The following SGTB variants were observed in gnomAD, a reference collection of about 807,000 sequenced individuals.
The protein encoded by SGTB is small glutamine rich tetratricopeptide repeat co-chaperone beta.
SGTB carries 19 observed loss-of-function variants against 43.9 expected under a neutral mutation model. The ratio of observed to expected loss-of-function variants is 0.43; its 90% CI spans 0.30 to 0.63. The LOEUF (loss-of-function observed/expected upper bound fraction) is 0.63. Among genes scored for constraint, SGTB ranks in the 30% least tolerant of loss-of-function variants. The pLI, the probability that SGTB is intolerant of heterozygous loss-of-function variation, is 0.12. For missense variants in SGTB, 304 were observed against 358.9 expected (o/e 0.85, Z 1.24); for synonymous variants, 116 against 117.3 (o/e 0.99, Z 0.07).
At chr5:65,702,627 CCA>C (rs1256216275) in intron 5 of SGTB, among the ~76,000 whole-genome samples, 1 of 152,164 alleles carries the variant, frequency 6.6e-6, no homozygotes, top group African/African-American at 2.4e-5. Context: ...GGGGAGCTCT[CCA>C]GAGTCTCTTT....
At position 65,704,264 on chromosome 5, in the gene SGTB, A is replaced by G; in HGVS notation, c.374+15T>C. 1 of 1,556,474 alleles carries G rather than the reference A, an allele frequency of 6.4e-7. No individual in the cohort carries two copies. The highest frequency in any genetic ancestry group is 8.7e-7 in the Non-Finnish European group (1 of 1,145,306). On this transcript the variant is annotated intron_variant, in intron 5 of 10. Coordinates refer to ENST00000381007, the MANE Select transcript of SGTB (RefSeq NM_019072.3). ...GTTTAAGAATTGCAAACCTGCCACAATAGTGCTAGTTTACCTGTTGCAATA... is the reference window on the plus strand; with the variant it reads ...GTTTAAGAATTGCAAACCTGCCACAGTAGTGCTAGTTTACCTGTTGCAATA...
chr5:65,718,718 T>C (rs1348731873), intron 2 of SGTB, among the ~76,000 whole-genome samples: 1 of 152,174 alleles, frequency 6.6e-6, no homozygotes, highest in Non-Finnish European at 1.5e-5. Context: ...TTCAATTAAA[T>C]TAGACTCACA....
chr5:65,674,856 C>T (rs760947249), intron 8 of SGTB, among the ~76,000 whole-genome samples: 52 of 152,012 alleles, frequency 3.4e-4, no homozygotes, highest in South Asian at 1.0e-3. Flanking sequence ...ATCTACAAAA[C>T]ATGTATTTGC....
chr5:65,712,458 C>T (rs1480252097), intron 3 of SGTB, among the ~76,000 whole-genome samples: 1 of 152,154 alleles, frequency 6.6e-6, no homozygotes, highest in Admixed American at 6.5e-5. Context: ...CTTAGTTTTG[C>T]ACAGTGACCC....
intron 3 of SGTB, among the ~76,000 whole-genome samples, chr5:65,710,665 T>C (rs73099348): frequency 0.01 from 1,573 of 152,214 alleles, 26 homozygotes; most frequent in African/African-American, 0.036. Context: ...TAAACATATA[T>C]GGAATGAAGC....
chr5:65,678,983 T>C (rs1358387208), intron 8 of SGTB, among the ~76,000 whole-genome samples: 1 of 151,722 alleles, frequency 6.6e-6, no homozygotes, highest in Non-Finnish European at 1.5e-5. Flanking sequence ...AAAGAAAAAA[T>C]TGACAAATGG....
At chr5:65,681,669 T>C (rs1422786578) in intron 6 of SGTB, among the ~76,000 whole-genome samples, 1 of 152,082 alleles carries the variant, frequency 6.6e-6, no homozygotes, top group African/African-American at 2.4e-5. Context: ...TAAAATAATA[T>C]CTAAAGATAC....
intron 1 of SGTB, among the ~76,000 whole-genome samples, chr5:65,721,450 T>A (rs993798173): frequency 6.6e-5 from 10 of 152,266 alleles, no homozygotes; most frequent in Middle Eastern, 3.4e-3. Context: ...TGTGCTCTCG[T>A]GGACAAGCTG....
At chr5:65,709,441 T>A (rs1183330772) in intron 3 of SGTB, among the ~76,000 whole-genome samples, 1 of 151,570 alleles carries the variant, frequency 6.6e-6, no homozygotes, top group Non-Finnish European at 1.5e-5. Flanking sequence ...TGCAGTGGCA[T>A]GATCTCGGCT....
chr5:65,700,694 A>C (rs993160941), intron 5 of SGTB, among the ~76,000 whole-genome samples: 1 of 148,606 alleles, frequency 6.7e-6, no homozygotes, highest in Admixed American at 6.7e-5. Flanking sequence ...AAAAAAAAAA[A>C]AAAAGAAAGA....
intron 5 of SGTB, among the ~76,000 whole-genome samples, chr5:65,695,689 G>A (rs561280715): frequency 3.0e-4 from 45 of 152,018 alleles, no homozygotes; most frequent in South Asian, 8.3e-4. Flanking sequence ...ACAGAGAGAC[G>A]GAAAAAAATT....
intron 5 of SGTB, among the ~76,000 whole-genome samples, chr5:65,689,188 T>C (rs1757556014): frequency 6.6e-6 from 1 of 152,230 alleles, no homozygotes; most frequent in Admixed American, 6.5e-5. Flanking sequence ...CACTAGTCAT[T>C]CTACAGGTAC....
chr5:65,719,029 A>G (rs1758203864), intron 2 of SGTB, among the ~76,000 whole-genome samples: 1 of 152,214 alleles, frequency 6.6e-6, no homozygotes, highest in Admixed American at 6.5e-5. Flanking sequence ...CTAATCATCA[A>G]GGAGAACAAA....
rs545087130 is a variant in SGTB at position 65,677,880 on chromosome 5, A to C, written c.681+2614T>G. On this transcript the variant is annotated intron_variant, in intron 8 of 10. Transcript: ENST00000381007. ...GCCATATATGACAAACCTACAGCCA[A>C]TATCATACTGAATGGGCAAAAGCTG... Among the ~76,000 whole-genome samples, 9 of 152,338 alleles carry C rather than the reference A, an allele frequency of 5.9e-5. No homozygotes were observed. The South Asian group carries it at 6.2e-4, about 11-fold the overall frequency.
intron 4 of SGTB, among the ~76,000 whole-genome samples, chr5:65,707,130 G>A (rs923359979): frequency 6.6e-6 from 1 of 151,534 alleles, no homozygotes; most frequent in Non-Finnish European, 1.5e-5. Flanking sequence ...AGGCGTGGTG[G>A]CACGCGCCTA....
At position 65,670,192 on chromosome 5, in the gene SGTB, A is replaced by T; in HGVS notation, c.*54T>A. The T allele has an allele frequency of 6.6e-7, 1 of 1,511,582 alleles. No individual in the cohort carries two copies. The highest frequency in any genetic ancestry group is 9.2e-7 in the Non-Finnish European group (1 of 1,090,356). The allele number at this position is 1,511,582 out of a possible 1,614,324, so 93.6% of individuals were successfully genotyped here. A position where few individuals can be genotyped will look rare whatever the true frequency, so the allele number is the denominator to read the frequency against. On this transcript the variant is annotated 3_prime_UTR_variant, in exon 11 of 11. Coordinates refer to ENST00000381007, the MANE Select transcript of SGTB (RefSeq NM_019072.3). ...GGAGGGGGTACTATCTACAACAAAT[A>T]CTTCATTCATAGCCATAAACCATTT...
At chr5:65,715,752 A>T (rs556013086) in intron 2 of SGTB, among the ~76,000 whole-genome samples, 12 of 152,288 alleles carry the variant, frequency 7.9e-5, no homozygotes, top group Admixed American at 7.8e-4. Flanking sequence ...GCAGAAAAGC[A>T]GCTGCAGGGT....
chr5:65,720,694 G>C lies in SGTB; in HGVS notation c.100+14C>G. 1 of 1,606,812 alleles carries C rather than the reference G, an allele frequency of 6.2e-7. No individual in the cohort carries two copies. The highest frequency in any genetic ancestry group is 8.5e-7 in the Non-Finnish European group (1 of 1,178,280). On this transcript the variant is annotated intron_variant, in intron 2 of 10. Coordinates refer to ENST00000381007, the MANE Select transcript of SGTB (RefSeq NM_019072.3). ...TAATTATAATATAAATGAACACAAA[G>C]AGCAGATGCATACCTTCCAAACTTT...
At chr5:65,687,263 C>T (rs1757516563) in intron 5 of SGTB, among the ~76,000 whole-genome samples, 1 of 152,200 alleles carries the variant, frequency 6.6e-6, no homozygotes, top group Non-Finnish European at 1.5e-5. Context: ...GACTTTTCCC[C>T]ATCCAATGTG....
Sources: allele counts gnomAD v4.1 joint callset (sites outside exome capture counted in the v4.1 genomes callset), GRCh38; gene constraint gnomAD v4.1.1; transcripts MANE v1.5; gene names NCBI Gene and HGNC (gene_info 2026-07-23, HGNC 2026-07-21).